The following ETV6 variants were observed in gnomAD, a reference collection of about 807,000 sequenced individuals.
ETV6 encodes the protein ETS variant transcription factor 6.
Under a neutral mutation model 51.1 loss-of-function variants are expected in ETV6, and 16 were observed. The ratio of observed to expected loss-of-function variants is 0.31; its 90% CI spans 0.21 to 0.48. ETV6 has a LOEUF of 0.48. ETV6 is among the 20% of genes least tolerant of loss of function. The probability of loss-of-function intolerance (pLI) is 0.99; values close to 1 mark genes in which losing one functional copy is unlikely to be tolerated. For missense variants in ETV6, 458 were observed against 594.8 expected (o/e 0.77, Z 2.39); for synonymous variants, 240 against 224.1 (o/e 1.07, Z -0.64).
intron 2 of ETV6, among the ~76,000 whole-genome samples, chr12:11,827,836 T>C (rs976850090): frequency 4.6e-5 from 7 of 152,160 alleles, no homozygotes; most frequent in Admixed American, 4.6e-4. Context: ...GTGTGCGGTT[T>C]AAAAGAGCAG....
intron 1 of ETV6, among the ~76,000 whole-genome samples, chr12:11,712,031 C>G (rs1865183722): frequency 6.6e-6 from 1 of 152,078 alleles, no homozygotes; most frequent in African/African-American, 2.4e-5. Context: ...GTGTTAGTTT[C>G]CCATCATTAT....
chr12:11,881,858 C>T (rs1056697952), intron 5 of ETV6, among the ~76,000 whole-genome samples: 3 of 152,216 alleles, frequency 2.0e-5, no homozygotes, highest in African/African-American at 7.2e-5. Context: ...GCCTGTAAAA[C>T]GAGCTAGATT....
At chr12:11,754,605 T>C (rs1477408793) in intron 2 of ETV6, among the ~76,000 whole-genome samples, 1 of 152,250 alleles carries the variant, frequency 6.6e-6, no homozygotes, top group Non-Finnish European at 1.5e-5. Flanking sequence ...ATACTGTGTG[T>C]TGACAAGAAA....
intron 2 of ETV6, among the ~76,000 whole-genome samples, chr12:11,818,918 A>T (rs1477570805): frequency 2.6e-5 from 4 of 151,662 alleles, no homozygotes; most frequent in African/African-American, 9.7e-5. Context: ...AGCCTACCCT[A>T]CCCACATGCA....
At chr12:11,717,248 T>TCCA (rs1256530820) in intron 1 of ETV6, among the ~76,000 whole-genome samples, 5 of 152,242 alleles carry the variant, frequency 3.3e-5, no homozygotes, top group African/African-American at 1.2e-4. Context: ...CAGACAAACC[T>TCCA]GGAGCCAAGG....
intron 1 of ETV6, among the ~76,000 whole-genome samples, chr12:11,685,468 T>G (rs1864610759): frequency 6.6e-6 from 1 of 152,156 alleles, no homozygotes; most frequent in South Asian, 2.1e-4. Context: ...TATTGAGATT[T>G]GGGACACTTC....
At chr12:11,867,588 A>G (rs1187432750) in intron 4 of ETV6, among the ~76,000 whole-genome samples, 1 of 152,204 alleles carries the variant, frequency 6.6e-6, no homozygotes, top group Non-Finnish European at 1.5e-5. Context: ...AAAAAAGAAA[A>G]AAGTCCGCAT....
chr12:11,773,192 C>CAA (rs1221154358), intron 2 of ETV6, among the ~76,000 whole-genome samples: 16 of 79,310 alleles, frequency 2.0e-4, no homozygotes, highest in African/African-American at 8.0e-4. Context: ...GACTCCATCT[C>CAA]AAAAAAAAAA....
intron 1 of ETV6, among the ~76,000 whole-genome samples, chr12:11,739,669 A>G (rs772493352): frequency 3.3e-5 from 5 of 151,944 alleles, no homozygotes; most frequent in Non-Finnish European, 7.4e-5. Flanking sequence ...AAAAAAACAT[A>G]AAATACCTCA....
intron 3 of ETV6, among the ~76,000 whole-genome samples, chr12:11,850,917 G>A (rs972921126): frequency 6.6e-6 from 1 of 152,232 alleles, no homozygotes; most frequent in Non-Finnish European, 1.5e-5. Context: ...GCCACCAAGA[G>A]GGGTCCAGGG....
intron 1 of ETV6, among the ~76,000 whole-genome samples, chr12:11,672,553 C>T (rs1295879173): frequency 6.6e-6 from 1 of 152,160 alleles, no homozygotes; most frequent in Admixed American, 6.5e-5. Flanking sequence ...ATACAGTTGT[C>T]CTCCGTTAAT....
In ETV6 at chr12:11,704,507, C is replaced by G. The variant is rs527405695; in HGVS notation, c.34-47943C>G. 2.6e-5 allele frequency among the ~76,000 whole-genome samples: 4 copies of G among 152,120 alleles called. No homozygotes were observed. In the South Asian group the frequency reaches 8.3e-4, roughly 32 times the overall value. On this transcript the variant is annotated intron_variant, in intron 1 of 7. Transcript: ENST00000396373. ...GATTACAGGTGCACGCCACCACAAC[C>G]GGCTAATTTTTGTATTTTTAGTAGA... is the stretch of plus-strand genomic sequence containing the variant.
chr12:11,677,360 A>T (rs1399796208), intron 1 of ETV6, among the ~76,000 whole-genome samples: 1 of 152,210 alleles, frequency 6.6e-6, no homozygotes, highest in African/African-American at 2.4e-5. Flanking sequence ...GGCTCTGACT[A>T]AGAGAACATA....
At chr12:11,650,413 G>A (rs1466289663) in intron 1 of ETV6, among the ~76,000 whole-genome samples, 1 of 108,518 alleles carries the variant, frequency 9.2e-6, no homozygotes, top group Admixed American at 1.5e-4. Context: ...ATGAAATGCC[G>A]GTCACAATTG....
chr12:11,747,693 C>T (rs897630863), intron 1 of ETV6, among the ~76,000 whole-genome samples: 1 of 152,032 alleles, frequency 6.6e-6, no homozygotes, highest in African/African-American at 2.4e-5. Context: ...AAAAAAATGT[C>T]GACTTTCAAG....
intron 1 of ETV6, among the ~76,000 whole-genome samples, chr12:11,674,553 C>A (rs757142137): frequency 2.6e-5 from 4 of 151,750 alleles, no homozygotes; most frequent in Non-Finnish European, 4.4e-5. Context: ...TTGGCACCTT[C>A]TGTGGCGCTG....
intron 1 of ETV6, among the ~76,000 whole-genome samples, chr12:11,655,518 C>A (rs1016706349): frequency 6.6e-6 from 1 of 152,148 alleles, no homozygotes; most frequent in Non-Finnish European, 1.5e-5. Flanking sequence ...ATTTTCCAAA[C>A]ATACAGGAAC....
intron 7 of ETV6, among the ~76,000 whole-genome samples, chr12:11,887,185 T>C (rs1470399099): frequency 6.6e-6 from 1 of 152,212 alleles, no homozygotes; most frequent in African/African-American, 2.4e-5. Flanking sequence ...CTCTACCGTA[T>C]GGCTTTTCTT....
chr12:11,858,991 C>G (rs1367885045), intron 4 of ETV6, among the ~76,000 whole-genome samples: 1 of 151,934 alleles, frequency 6.6e-6, no homozygotes, highest in Admixed American at 6.6e-5. Context: ...TATATGATTG[C>G]TTTATTGAGG....
Sources: allele counts gnomAD v4.1 joint callset (sites outside exome capture counted in the v4.1 genomes callset), GRCh38; gene constraint gnomAD v4.1.1; transcripts MANE v1.5; gene names NCBI Gene and HGNC (gene_info 2026-07-23, HGNC 2026-07-21).